KIRREL3: variants seen among roughly 807,000 people sequenced by gnomAD.
The protein encoded by KIRREL3 is kirre like nephrin family adhesion molecule 3.
Under a neutral mutation model 89.7 loss-of-function variants are expected in KIRREL3, and 36 were observed. That is an observed-to-expected ratio of 0.40 (90% confidence interval 0.31 to 0.53). The LOEUF (loss-of-function observed/expected upper bound fraction) is 0.53. Ranked by LOEUF, KIRREL3 falls within the 20% of genes least tolerant of loss-of-function variation. The probability of loss-of-function intolerance (pLI) is 0.49; values close to 1 mark genes in which losing one functional copy is unlikely to be tolerated. For missense variants in KIRREL3, 864 were observed against 1,056.6 expected, an observed-to-expected ratio of 0.82 and a Z score of 2.53; for synonymous variants, 445 against 441.4, an observed-to-expected ratio of 1.01 and a Z score of -0.10.
rs773452986 is a variant in KIRREL3 at position 126,985,578 on chromosome 11, G to A, written c.55+14877C>T. Among the ~76,000 whole-genome samples, 1 of 152,134 alleles carries A rather than the reference G, an allele frequency of 6.6e-6. No individual in the cohort carries two copies. Among genetic ancestry groups the A allele is most frequent in the Non-Finnish European group, 1.5e-5 (1 of 68,028 alleles). On this transcript the variant is annotated intron_variant, in intron 1 of 16. Coordinates refer to ENST00000525144, the MANE Select transcript of KIRREL3 (RefSeq NM_032531.4). This position sits in a 1 kb window ranked among gnomAD's most constrained non-coding sequence, Gnocchi z 5.3. ...GTAGAAGTTATCTAGACTAACCTGG[G>A]GGAGAGGAGACGGCCACTCCAGAGG...
At chr11:126,947,883 T>A (rs1004765236) in intron 1 of KIRREL3, among the ~76,000 whole-genome samples, 1 of 152,142 alleles carries the variant, frequency 6.6e-6, no homozygotes, top group Non-Finnish European at 1.5e-5. Flanking sequence ...GCTCTCAGAA[T>A]CTGTGTGGCT....
At chr11:126,699,347 G>A (rs1418311386) in intron 1 of KIRREL3, among the ~76,000 whole-genome samples, 4 of 152,144 alleles carry the variant, frequency 2.6e-5, no homozygotes, top group Non-Finnish European at 4.4e-5. Context: ...CAATTCATTC[G>A]ACAAATATTG....
At chr11:126,582,695 G>A (rs953814651) in intron 1 of KIRREL3, among the ~76,000 whole-genome samples, 2 of 152,138 alleles carry the variant, frequency 1.3e-5, no homozygotes, top group Non-Finnish European at 2.9e-5. Context: ...GAAGGTCACC[G>A]AGTATTTGCA....
chr11:126,466,614 C>T (rs1369685157), intron 5 of KIRREL3, among the ~76,000 whole-genome samples: 1 of 152,234 alleles, frequency 6.6e-6, no homozygotes, highest in Non-Finnish European at 1.5e-5. Flanking sequence ...TGCTTCACTC[C>T]TTTTCAGAAA....
Position 126,441,106 on chromosome 11 carries a change from CG to C in KIRREL3, c.1253-558del, listed in dbSNP as rs2134178425. ...CCTCTCCTTAGGGCGGGAATCACCC[CG>C]GACAGGGGGAATGCATGCGCTGGCC... On this transcript the variant is annotated intron_variant, in intron 10 of 16. Transcript: ENST00000525144. The surrounding 1 kb of genome is among the most constrained non-coding windows in gnomAD (Gnocchi z 5.0). Among the ~76,000 whole-genome samples, 1 of 152,356 alleles carries C rather than the reference CG, an allele frequency of 6.6e-6. No individual in the cohort carries two copies. Among genetic ancestry groups the C allele is most frequent in the Admixed American group, 6.5e-5 (1 of 15,302 alleles).
chr11:126,778,707 C>T lies in KIRREL3; in HGVS notation c.56-215795G>A, dbSNP rs937300712. Among the ~76,000 whole-genome samples the T allele has an allele frequency of 6.6e-6, 1 of 152,132 alleles. No individual in the cohort carries two copies. Among genetic ancestry groups the T allele is most frequent in the East Asian group, 1.9e-4 (1 of 5,180 alleles). On this transcript the variant is annotated intron_variant, in intron 1 of 16. Coordinates refer to ENST00000525144, the MANE Select transcript of KIRREL3 (RefSeq NM_032531.4). The surrounding 1 kb of genome is among the most constrained non-coding windows in gnomAD (Gnocchi z 4.5). ...CAGAAAGGTGGTACCAACATACATT[C>T]CCGCTAGTAATGTTCAGAGAGTGCT...
intron 1 of KIRREL3, chr11:126,934,888 G>C (rs1948114299): frequency 1.3e-5 from 2 of 152,114 alleles, no homozygotes; most frequent in Admixed American, 6.6e-5. Context: ...GTGAAACCCT[G>C]TGTCTACTAA....
At position 126,607,018 on chromosome 11, in the gene KIRREL3, A is replaced by G. The variant is rs1942918233; in HGVS notation, c.56-44106T>C. Reference sequence around the variant, plus strand: ...GGGTATTCCAGGGTTTTTAAATTGCATGCCACATGTTTATCCTTATTAAGC... The same window carrying G: ...GGGTATTCCAGGGTTTTTAAATTGCGTGCCACATGTTTATCCTTATTAAGC... On this transcript the variant is annotated intron_variant, in intron 1 of 16. Transcript: ENST00000525144. The surrounding 1 kb of genome is among the most constrained non-coding windows in gnomAD (Gnocchi z 6.6). 6.6e-6 allele frequency among the ~76,000 whole-genome samples: 1 copy of G among 152,104 alleles called. No individual in the cohort carries two copies. Among genetic ancestry groups the G allele is most frequent in the South Asian group, 2.1e-4 (1 of 4,816 alleles).
rs577306853 is a variant in KIRREL3, at chr11:126,535,334, G to A, written c.134-8647C>T. On this transcript the variant is annotated intron_variant, in intron 2 of 16. Transcript: ENST00000525144. This position sits in a 1 kb window ranked among gnomAD's most constrained non-coding sequence, Gnocchi z 4.5. ...TGGGACTCGCAGCACACATTATCAC[G>A]GAATGAACCATCACCATCTGGCTCC... Among the ~76,000 whole-genome samples, 2 of 152,238 alleles carry A rather than the reference G, an allele frequency of 1.3e-5. No homozygotes were observed. The highest frequency in any genetic ancestry group is 2.4e-5 in the African/African-American group (1 of 41,540).
chr11:126,901,435 G>C (rs1207035285), intron 1 of KIRREL3, among the ~76,000 whole-genome samples: 2 of 152,172 alleles, frequency 1.3e-5, no homozygotes, highest in African/African-American at 2.4e-5. Context: ...TTGCTAGTCT[G>C]GAAAATCTGC....
Position 126,492,849 on chromosome 11 carries a change from G to T in KIRREL3, c.434-19383C>A, listed in dbSNP as rs1477392252. On this transcript the variant is annotated intron_variant, in intron 4 of 16. Coordinates refer to ENST00000525144, the MANE Select transcript of KIRREL3 (RefSeq NM_032531.4). This position sits in a 1 kb window ranked among gnomAD's most constrained non-coding sequence, Gnocchi z 4.8. The stretch of plus-strand genomic sequence containing the variant: ...GAGAGGGAGGGGGCAGGACTAGATA[G>T]AGACCTCCAGGCAGATGGCAAGGTT... 2.0e-5 allele frequency among the ~76,000 whole-genome samples: 3 copies of T among 152,114 alleles called. No individual in the cohort carries two copies. The highest frequency in any genetic ancestry group is 4.4e-5 in the Non-Finnish European group (3 of 68,022).
Position 126,795,580 on chromosome 11 carries a change from A to C in KIRREL3, c.55+204875T>G, listed in dbSNP as rs187191587. Among the ~76,000 whole-genome samples the C allele has an allele frequency of 6.6e-6, 1 of 151,780 alleles. No homozygotes were observed. The highest frequency in any genetic ancestry group is 6.6e-5 in the Admixed American group (1 of 15,256). ...TTAGTAGAGACGGGGTTTCTACTAA[A>C]ACCCTGTTGGCCAGGCTGGTCTTGA... On this transcript the variant is annotated intron_variant, in intron 1 of 16. Transcript: ENST00000525144. The surrounding 1 kb of genome is among the most constrained non-coding windows in gnomAD (Gnocchi z 4.1).
At position 126,561,511 on chromosome 11, in the gene KIRREL3, C is replaced by A. The variant is rs1437797287; in HGVS notation, c.133+1324G>T. ...GACAGAGGCACGCTGTCAGTTCCCACAAATTAGAAGTTACTGCCTAGCAGT... is the reference window on the plus strand; with the variant it reads ...GACAGAGGCACGCTGTCAGTTCCCAAAAATTAGAAGTTACTGCCTAGCAGT... On this transcript the variant is annotated intron_variant, in intron 2 of 16. Coordinates refer to ENST00000525144, the MANE Select transcript of KIRREL3 (RefSeq NM_032531.4). The surrounding 1 kb of genome is among the most constrained non-coding windows in gnomAD (Gnocchi z 4.5). Among the ~76,000 whole-genome samples, 1 of 152,160 alleles carries A rather than the reference C, an allele frequency of 6.6e-6. No individual in the cohort carries two copies. Among genetic ancestry groups the A allele is most frequent in the Non-Finnish European group, 1.5e-5 (1 of 68,040 alleles).
At chr11:126,781,061 T>C (rs574513613) in intron 1 of KIRREL3, among the ~76,000 whole-genome samples, 1 of 152,234 alleles carries the variant, frequency 6.6e-6, no homozygotes, top group South Asian at 2.1e-4. Context: ...CTCTGGAAAC[T>C]TTAGATGAGG....
chr11:126,424,411 A>G lies in KIRREL3; in HGVS notation c.*169T>C. The G allele has an allele frequency of 2.5e-6, 1 of 401,842 alleles. No individual in the cohort carries two copies. Among genetic ancestry groups the G allele is most frequent in the Non-Finnish European group, 4.7e-6 (1 of 213,730 alleles). 24.9% of individuals were successfully genotyped at this position (401,842 alleles called of 1,614,324 possible). ...TCTGGCACACAGCACCTGGGGACCCAGATTTGTGCTTGATCAGAGCTTCGA... is the reference window on the plus strand; with the variant it reads ...TCTGGCACACAGCACCTGGGGACCCGGATTTGTGCTTGATCAGAGCTTCGA... On this transcript the variant is annotated 3_prime_UTR_variant, in exon 17 of 17. Coordinates refer to ENST00000525144, the MANE Select transcript of KIRREL3 (RefSeq NM_032531.4).
At chr11:126,473,118 ATCTAGCCCCCCGC>A (rs2134283265) in intron 5 of KIRREL3, among the ~76,000 whole-genome samples, 178 bp downstream of exon 5, 1 of 2,500 alleles carries the variant, frequency 4.0e-4, no homozygotes, top group East Asian at 8.2e-3. Flanking sequence ...TTAGGCCCCC[ATCTAGCCCCCCGC>A]CTAACCCCCT....
Position 126,948,381 on chromosome 11 carries a change from C to T in KIRREL3, c.55+52074G>A, listed in dbSNP as rs945230357. 8.5e-5 allele frequency among the ~76,000 whole-genome samples: 13 copies of T among 152,138 alleles called. No homozygotes were observed. The highest frequency in any genetic ancestry group is 3.9e-4 in the Admixed American group (6 of 15,274). ...ACTCAGGGGAACCTAGGTCCTGTTC[C>T]AACCATGGGGTATTAGCTAAGGTCC... On this transcript the variant is annotated intron_variant, in intron 1 of 16. Coordinates refer to ENST00000525144, the MANE Select transcript of KIRREL3 (RefSeq NM_032531.4). This position sits in a 1 kb window ranked among gnomAD's most constrained non-coding sequence, Gnocchi z 4.5.
intron 1 of KIRREL3, among the ~76,000 whole-genome samples, chr11:126,756,847 TG>T (rs1949519252): frequency 6.6e-6 from 1 of 152,174 alleles, no homozygotes; most frequent in Non-Finnish European, 1.5e-5. Flanking sequence ...AATTCACTGG[TG>T]GGGAAAATTG....
intron 1 of KIRREL3, among the ~76,000 whole-genome samples, chr11:126,672,306 G>A (rs1284362633): frequency 6.6e-6 from 1 of 152,168 alleles, no homozygotes; most frequent in Non-Finnish European, 1.5e-5. Context: ...ATGTTTAAGA[G>A]ATACATGAAA....
Sources: gnomAD v4.1 joint callset for allele counts (sites outside exome capture counted in the v4.1 genomes callset) on GRCh38, gnomAD v4.1.1 for gene constraint, Gnocchi (gnomAD v3.1) non-coding constraint, MANE v1.5 for transcripts, NCBI Gene and HGNC (gene_info 2026-07-23, HGNC 2026-07-21) for gene names.